The following PRKDC variants were observed in gnomAD, a reference collection of about 807,000 sequenced individuals.
PRKDC encodes DNA-dependent protein kinase catalytic subunit.
PRKDC carries 82 observed loss-of-function variants against 486.9 expected under a neutral mutation model. The ratio of observed to expected loss-of-function variants is 0.17; its 90% confidence interval spans 0.14 to 0.20. The LOEUF (loss-of-function observed/expected upper bound fraction) is 0.20. Ranked by LOEUF, PRKDC falls within the 10% of genes least tolerant of loss-of-function variation. The probability of loss-of-function intolerance (pLI) is 1.00; values close to 1 mark genes in which losing one functional copy is unlikely to be tolerated. For missense variants in PRKDC, 4,504 were observed against 5,038.2 expected, an observed-to-expected ratio of 0.89 and a Z score of 3.21; for synonymous variants, 1,895 against 1,837.0, an observed-to-expected ratio of 1.03 and a Z score of -0.81.
intron 40 of PRKDC, among the ~76,000 whole-genome samples, chr8:47,872,942 C>A (rs138642636): frequency 2.0e-5 from 3 of 152,192 alleles, no homozygotes; most frequent in Admixed American, 6.5e-5. Context: ...ACTAAATGAA[C>A]CTTACAGATG....
At chr8:47,848,463 C>T (rs1001641234) in intron 54 of PRKDC, among the ~76,000 whole-genome samples, 3 of 152,024 alleles carry the variant, frequency 2.0e-5, no homozygotes, top group Non-Finnish European at 4.4e-5. Context: ...TCAGGAACAA[C>T]AGACACTGGG....
chr8:47,835,808 G>C (rs2088008210), intron 58 of PRKDC, among the ~76,000 whole-genome samples: 1 of 150,822 alleles, frequency 6.6e-6, no homozygotes, highest in Non-Finnish European at 1.5e-5. Context: ...TTTTGCCCAA[G>C]GCAGGGTGCA....
chr8:47,832,867 ACTGG>A (rs1422761435), intron 59 of PRKDC, among the ~76,000 whole-genome samples: 4 of 152,226 alleles, frequency 2.6e-5, no homozygotes, highest in Non-Finnish European at 4.4e-5. Flanking sequence ...ATGTCAGAAC[ACTGG>A]TTTAAAAGAG....
At chr8:47,948,786 C>T (rs555342385) in intron 7 of PRKDC, among the ~76,000 whole-genome samples, 177 of 152,212 alleles carry the variant, frequency 1.2e-3, no homozygotes, top group South Asian at 2.5e-3. Context: ...TATATGTACC[C>T]ATGAATTAGT....
chr8:47,930,464 G>C (rs1318450291), intron 17 of PRKDC, among the ~76,000 whole-genome samples: 1 of 152,092 alleles, frequency 6.6e-6, no homozygotes, highest in Admixed American at 6.5e-5. Context: ...AGTAGAGATG[G>C]GGTTTCACCA....
chr8:47,783,681 T>A, intron 78 of PRKDC, 61 bp downstream of exon 78: 1 of 1,533,368 alleles, frequency 6.5e-7, no homozygotes, highest in South Asian at 1.1e-5. Context: ...GGCAAACAGA[T>A]CATTCTCATC....
chr8:47,824,510 A>T (rs958224137), intron 63 of PRKDC, among the ~76,000 whole-genome samples: 1 of 151,382 alleles, frequency 6.6e-6, no homozygotes, highest in Admixed American at 6.6e-5. Flanking sequence ...ATCTGAAAAT[A>T]TCAAAGGTTC....
Position 47,943,379 on chromosome 8 carries a change from A to G in PRKDC, c.809-13T>C, listed in dbSNP as rs376263832. ...AGGCGCAAGCCAGCTGCAAATGCAA[A>G]TGCCATTATATTTAAAATCAGACGA... On this transcript the variant is annotated splice_polypyrimidine_tract_variant and intron_variant, in intron 9 of 85. Coordinates refer to ENST00000314191, the MANE Select transcript of PRKDC (RefSeq NM_006904.7). The G allele has an allele frequency of 3.2e-6, 5 of 1,586,334 alleles. No homozygotes were observed. The highest frequency in any genetic ancestry group is 2.3e-5 in the East Asian group (1 of 44,434).
At chr8:47,957,937 C>T (rs2090734940) in intron 1 of PRKDC, among the ~76,000 whole-genome samples, 1 of 152,150 alleles carries the variant, frequency 6.6e-6, no homozygotes, top group South Asian at 2.1e-4. Flanking sequence ...AAAATAATGG[C>T]CCCAAAGATG....
intron 69 of PRKDC, among the ~76,000 whole-genome samples, chr8:47,803,840 C>A (rs553124671): frequency 6.6e-6 from 1 of 151,156 alleles, no homozygotes; most frequent in East Asian, 2.0e-4. Context: ...CCCAGCTACT[C>A]TGGACACTAA....
rs374234654 is a variant in PRKDC, at chr8:47,859,798, C to T, written c.6059-39G>A. The T allele has an allele frequency of 4.0e-5, 61 of 1,532,896 alleles. 2 individuals carry two copies. The African/African-American group carries it at 6.9e-4, about 17-fold the overall frequency. 95.0% of individuals were successfully genotyped at this position (1,532,896 alleles called of 1,614,324 possible). A position where few individuals can be genotyped will look rare whatever the true frequency, so the allele number is the denominator to read the frequency against. On this transcript the variant is annotated intron_variant, in intron 45 of 85. Coordinates refer to ENST00000314191, the MANE Select transcript of PRKDC (RefSeq NM_006904.7). ...AAGGAGAAAATTACATGTATTCAAA[C>T]ATAATTAGTAAGAAATGTATTTCTC... is the stretch of plus-strand genomic sequence containing the variant.
At chr8:47,810,827 G>C (rs192608952) in intron 68 of PRKDC, among the ~76,000 whole-genome samples, 1 of 152,176 alleles carries the variant, frequency 6.6e-6, no homozygotes, top group East Asian at 1.9e-4. Flanking sequence ...GAACAAGTAA[G>C]ACAAAAGAAA....
chr8:47,774,067 T>A lies in PRKDC; in HGVS notation c.*106A>T. 1 of 1,154,010 alleles carries A rather than the reference T, an allele frequency of 8.7e-7. No homozygotes were observed. The highest frequency in any genetic ancestry group is 1.7e-5 in the South Asian group (1 of 59,094). The allele number at this position is 1,154,010 out of a possible 1,614,324, so 71.5% of individuals were successfully genotyped here. A position where few individuals can be genotyped will look rare whatever the true frequency, so the allele number is the denominator to read the frequency against. On this transcript the variant is annotated 3_prime_UTR_variant, in exon 86 of 86. Transcript: ENST00000314191. ...TACGAAACTGTAGCACAAAAGACATTTCTCTTTAGTGTTTCAGGAAAATCA... is the reference window on the plus strand; with the variant it reads ...TACGAAACTGTAGCACAAAAGACATATCTCTTTAGTGTTTCAGGAAAATCA...
intron 40 of PRKDC, among the ~76,000 whole-genome samples, chr8:47,870,155 G>A (rs1563776610): frequency 6.6e-6 from 1 of 152,138 alleles, no homozygotes; most frequent in East Asian, 1.9e-4. Flanking sequence ...TTTGCCTCCT[G>A]CTGATTGTAC....
At chr8:47,863,637 G>T in intron 41 of PRKDC, 60 bp from the exon 42 acceptor site, 1 of 1,358,056 alleles carries the variant, frequency 7.4e-7, no homozygotes, top group Non-Finnish European at 1.0e-6. Context: ...ACATCTTATA[G>T]AATATATCAA....
chr8:47,949,121 G>A (rs1004137875), intron 7 of PRKDC, among the ~76,000 whole-genome samples: 2 of 152,140 alleles, frequency 1.3e-5, no homozygotes, highest in African/African-American at 4.8e-5. Flanking sequence ...GGCTCCTGCC[G>A]CCTTCCAGAT....
At chr8:47,826,221 G>A (rs938398741) in intron 63 of PRKDC, among the ~76,000 whole-genome samples, 1 of 152,138 alleles carries the variant, frequency 6.6e-6, no homozygotes, top group Non-Finnish European at 1.5e-5. Context: ...ACTAGAAAAT[G>A]GAATCTGTTT....
chr8:47,834,306 G>C lies in PRKDC; in HGVS notation c.8042C>G (p.Ala2681Gly). Reference protein sequence around the residue: ...TSPSSDSLLFAHKRSERLQRA... With the variant: ...TSPSSDSLLFGHKRSERLQRA... ...CTGTAACCTTTCACTCCTCTTGTGG[G>C]CAAACAGCAAGGAGTCAGATGAGGG... Residue 2681 changes from alanine to glycine, a missense_variant, in exon 59 of 86, where the codon GCC becomes GGC. Ala to Gly is a moderately conservative substitution (Grantham distance 60, BLOSUM62 0). This residue lies in a region of PRKDC where 1,592 missense variants were observed against 1,724.6 expected (regional missense o/e 0.92). Coordinates refer to ENST00000314191, the MANE Select transcript of PRKDC (RefSeq NM_006904.7). The C allele has an allele frequency of 3.1e-6, 5 of 1,614,016 alleles. No individual in the cohort carries two copies. The highest frequency in any genetic ancestry group is 4.2e-6 in the Non-Finnish European group (5 of 1,179,886).
At chr8:47,957,500 G>T in intron 1 of PRKDC, 69 bp from the exon 2 acceptor site, 1 of 1,254,206 alleles carries the variant, frequency 8.0e-7, no homozygotes. Context: ...TCCTAAAGGG[G>T]TTGCAATGAT....
Sources: allele counts gnomAD v4.1 joint callset (sites outside exome capture counted in the v4.1 genomes callset), GRCh38; gene constraint gnomAD v4.1.1; regional missense constraint gnomAD v4.1.1; transcripts MANE v1.5; gene names NCBI Gene and HGNC (gene_info 2026-07-23, HGNC 2026-07-21).